Variants in KCNMA1 observed in about 807,000 individuals in gnomAD.
KCNMA1 encodes potassium calcium-activated channel subfamily M alpha 1.
A neutral mutation model predicts 140.0 loss-of-function variants in KCNMA1; 29 were observed. The observed-to-expected ratio is 0.21, with a 90% CI of 0.15 to 0.28. KCNMA1 has a LOEUF of 0.28. KCNMA1 is among the 10% of genes least tolerant of loss of function. The pLI is 1.00. For missense variants in KCNMA1, 880 were observed against 1,602.2 expected, an observed-to-expected ratio of 0.55 and a Z score of 7.70; for synonymous variants, 612 against 611.9, an observed-to-expected ratio of 1.00 and a Z score of 0.00.
At chr10:77,337,427 T>C (rs2089470281) in intron 2 of KCNMA1, among the ~76,000 whole-genome samples, 1 of 152,172 alleles carries the variant, frequency 6.6e-6, no homozygotes, top group South Asian at 2.1e-4. Flanking sequence ...CAGACCTGCA[T>C]GGGCAACATA....
At chr10:77,128,393 ATT>A (rs11298052) in intron 5 of KCNMA1, among the ~76,000 whole-genome samples, 34,576 of 126,164 alleles carry the variant, frequency 0.27, 4,830 homozygotes, top group Admixed American at 0.34. Context: ...CATATAGATA[ATT>A]TTTTTTTTTT....
intron 14 of KCNMA1, chr10:77,064,136 G>A: frequency 8.1e-6 from 8 of 984,484 alleles, no homozygotes; most frequent in Non-Finnish European, 9.6e-6. Context: ...ATCCATATGT[G>A]ATTACAGCTA....
chr10:77,084,163 G>A (rs2096644114), intron 12 of KCNMA1, among the ~76,000 whole-genome samples: 1 of 152,128 alleles, frequency 6.6e-6, no homozygotes. Context: ...GCATTGCAGG[G>A]TCGTTCGCAG....
intron 19 of KCNMA1, among the ~76,000 whole-genome samples, chr10:76,987,417 C>A (rs74646795): frequency 0.043 from 6,488 of 152,184 alleles, 325 homozygotes; most frequent in East Asian, 0.12. Flanking sequence ...AGAGGTTGGC[C>A]AACTTTTTCC....
intron 2 of KCNMA1, among the ~76,000 whole-genome samples, chr10:77,403,435 C>G (rs16934688): frequency 0.084 from 12,736 of 152,078 alleles, 633 homozygotes; most frequent in East Asian, 0.18. Flanking sequence ...TATGGGCTAC[C>G]ACAGGACAAG....
In KCNMA1 at chr10:77,189,784, A is replaced by G. The variant is rs1045146413; in HGVS notation, c.603-4868T>C. Among the ~76,000 whole-genome samples, 3 of 152,288 alleles carry G rather than the reference A, an allele frequency of 2.0e-5. No individual in the cohort carries two copies. In the East Asian group the frequency reaches 5.8e-4, roughly 29 times the overall value. On this transcript the variant is annotated intron_variant, in intron 3 of 27. Coordinates refer to ENST00000286628, the MANE Select transcript of KCNMA1 (RefSeq NM_001161352.2). ...TTATGGACAGGCAGAGTTCAGGCCC[A>G]CAGCACCACAGACATGAGTCAATGC... is the stretch of plus-strand genomic sequence containing the variant.
intron 19 of KCNMA1, among the ~76,000 whole-genome samples, chr10:76,992,493 G>T (rs1328000069): frequency 6.6e-6 from 1 of 152,134 alleles, no homozygotes; most frequent in Non-Finnish European, 1.5e-5. Flanking sequence ...GGCGATGGAG[G>T]GTCCCCTGAC....
At chr10:77,377,905 T>C (rs564401258) in intron 2 of KCNMA1, among the ~76,000 whole-genome samples, 2 of 152,354 alleles carry the variant, frequency 1.3e-5, no homozygotes, top group African/African-American at 4.8e-5. Context: ...AACCAGTTGC[T>C]TCACTCCGTG....
chr10:77,387,756 T>C (rs1734944554), intron 2 of KCNMA1, among the ~76,000 whole-genome samples: 1 of 152,102 alleles, frequency 6.6e-6, no homozygotes, highest in Non-Finnish European at 1.5e-5. Context: ...TAGCTGAGAC[T>C]ACAGGTGCCT....
chr10:77,629,172 C>T (rs746715663), intron 1 of KCNMA1, among the ~76,000 whole-genome samples: 56 of 152,186 alleles, frequency 3.7e-4, no homozygotes, highest in Non-Finnish European at 7.2e-4. Context: ...GTGCCAATTA[C>T]ATTTCCAAAT....
intron 14 of KCNMA1, among the ~76,000 whole-genome samples, chr10:77,056,623 T>C (rs1190595200): frequency 7.9e-5 from 12 of 152,102 alleles, no homozygotes; most frequent in Admixed American, 7.9e-4. Flanking sequence ...ACACAGATGT[T>C]GGAATAATCT....
intron 2 of KCNMA1, among the ~76,000 whole-genome samples, chr10:77,279,880 C>G (rs1406079285): frequency 6.6e-6 from 1 of 152,212 alleles, no homozygotes; most frequent in African/African-American, 2.4e-5. Context: ...TGCTTTCTGT[C>G]ATGATTGTGA....
At chr10:77,528,040 G>A (rs1478032071) in intron 1 of KCNMA1, among the ~76,000 whole-genome samples, 1 of 152,148 alleles carries the variant, frequency 6.6e-6, no homozygotes, top group African/African-American at 2.4e-5. Context: ...TGGGTATGAT[G>A]CTTAACCACT....
chr10:77,408,146 G>A (rs1375160237), intron 1 of KCNMA1, among the ~76,000 whole-genome samples: 3 of 152,298 alleles, frequency 2.0e-5, no homozygotes, highest in South Asian at 4.1e-4. Flanking sequence ...TTTTTAAGAT[G>A]AGAACGCTGA....
At chr10:77,084,484 C>T (rs1049419965) in intron 12 of KCNMA1, among the ~76,000 whole-genome samples, 153 bp downstream of exon 12, 4 of 152,168 alleles carry the variant, frequency 2.6e-5, no homozygotes, top group African/African-American at 7.2e-5. Flanking sequence ...CAGACAGCCT[C>T]GGCTCCCCCA....
chr10:77,167,825 A>C (rs1408795711), intron 5 of KCNMA1, among the ~76,000 whole-genome samples: 1 of 151,962 alleles, frequency 6.6e-6, no homozygotes, highest in African/African-American at 2.4e-5. Context: ...AGGAACTTCA[A>C]ACATGCAGCA....
At chr10:77,553,840 A>T (rs1223747926) in intron 1 of KCNMA1, among the ~76,000 whole-genome samples, 1 of 138,530 alleles carries the variant, frequency 7.2e-6, no homozygotes, top group East Asian at 2.0e-4. Context: ...CCCATTGGCT[A>T]GTAAATGAGT....
chr10:77,510,301 T>C (rs956193259), intron 1 of KCNMA1, among the ~76,000 whole-genome samples: 2 of 152,032 alleles, frequency 1.3e-5, no homozygotes, highest in East Asian at 3.9e-4. Flanking sequence ...AGGATCCCTA[T>C]TCATTTCTGG....
At chr10:77,425,510 G>C (rs1216596879) in intron 1 of KCNMA1, among the ~76,000 whole-genome samples, 1 of 152,084 alleles carries the variant, frequency 6.6e-6, no homozygotes, top group Non-Finnish European at 1.5e-5. Context: ...GCATGCAGCT[G>C]AGGGGCCCTG....
Sources: gnomAD v4.1 joint callset for allele counts (sites outside exome capture counted in the v4.1 genomes callset) on GRCh38, gnomAD v4.1.1 for gene constraint, MANE v1.5 for transcripts, NCBI Gene and HGNC (gene_info 2026-07-23, HGNC 2026-07-21) for gene names.